EYS: variants seen among roughly 807,000 people sequenced by gnomAD.
EYS encodes EGF-like photoreceptor maintenance factor, also known as protein eyes shut homolog.
A neutral mutation model predicts 282.1 loss-of-function variants in EYS; 250 were observed. The ratio of observed to expected loss-of-function variants is 0.89; its 90% CI spans 0.80 to 0.98. The LOEUF is 0.98. Among genes scored for constraint, EYS ranks in the 50% least tolerant of loss-of-function variants. The pLI is 0.00. For synonymous variants in EYS, 1,355 were observed against 1,282.9 expected (o/e 1.06, Z -1.20); for missense variants, 4,016 against 3,709.0 (o/e 1.08, Z -2.15).
chr6:64,239,794 G>C (rs1157781495), intron 30 of EYS, among the ~76,000 whole-genome samples: 1 of 151,978 alleles, frequency 6.6e-6, no homozygotes, highest in African/African-American at 2.4e-5. Flanking sequence ...TTTTGTTGCT[G>C]TTGCTTTTGG....
At chr6:64,327,510 G>C (rs1770471872) in intron 29 of EYS, among the ~76,000 whole-genome samples, 1 of 152,098 alleles carries the variant, frequency 6.6e-6, no homozygotes, top group Non-Finnish European at 1.5e-5. Context: ...CAATAGACAG[G>C]GAAATAATGG....
intron 26 of EYS, among the ~76,000 whole-genome samples, chr6:64,512,560 A>G (rs1469694060): frequency 1.3e-5 from 2 of 152,018 alleles, no homozygotes; most frequent in East Asian, 3.9e-4. Flanking sequence ...GAGAGAAGAG[A>G]AAATCAGCCT....
chr6:64,705,741 A>G (rs1770982769), intron 22 of EYS, among the ~76,000 whole-genome samples: 1 of 148,834 alleles, frequency 6.7e-6, no homozygotes, highest in Non-Finnish European at 1.5e-5. Flanking sequence ...AAAACCAAAC[A>G]CCGCATATTC....
At chr6:64,794,047 A>G (rs1215149418) in intron 22 of EYS, among the ~76,000 whole-genome samples, 2 of 152,112 alleles carry the variant, frequency 1.3e-5, no homozygotes. Context: ...CTCTGTTTCT[A>G]CAAGTTTGAC....
chr6:65,041,656 T>C (rs1294774305), intron 13 of EYS, among the ~76,000 whole-genome samples: 1 of 151,718 alleles, frequency 6.6e-6, no homozygotes, highest in Non-Finnish European at 1.5e-5. Flanking sequence ...ACTCATCTCT[T>C]ATTTCCTGTT....
intron 15 of EYS, among the ~76,000 whole-genome samples, chr6:64,923,079 T>C (rs1173808190): frequency 6.6e-6 from 1 of 152,072 alleles, no homozygotes; most frequent in Non-Finnish European, 1.5e-5. Context: ...CCATTTGGCT[T>C]TGCTTCTGGG....
chr6:65,017,711 AC>A (rs1178887799), intron 13 of EYS, among the ~76,000 whole-genome samples: 1 of 152,246 alleles, frequency 6.6e-6, no homozygotes. Flanking sequence ...CTGAGCACAG[AC>A]AAAAACAATA....
chr6:65,403,269 G>A (rs1252916433), intron 6 of EYS, among the ~76,000 whole-genome samples: 1 of 151,924 alleles, frequency 6.6e-6, no homozygotes, highest in Non-Finnish European at 1.5e-5. Flanking sequence ...GCATCCATGG[G>A]CAGGTAAAAA....
At chr6:65,132,740 C>T (rs2208580) in intron 12 of EYS, among the ~76,000 whole-genome samples, 8 of 151,282 alleles carry the variant, frequency 5.3e-5, no homozygotes, top group East Asian at 3.9e-4. Context: ...ATAAATAAAG[C>T]GTATTCAAAT....
At chr6:64,746,404 C>A (rs751258132) in intron 22 of EYS, among the ~76,000 whole-genome samples, 4 of 151,938 alleles carry the variant, frequency 2.6e-5, no homozygotes, top group Non-Finnish European at 5.9e-5. Context: ...CAGATGCTAG[C>A]CCCTTGATAT....
intron 12 of EYS, among the ~76,000 whole-genome samples, chr6:65,075,691 T>C (rs923838949): frequency 6.6e-6 from 1 of 151,722 alleles, no homozygotes; most frequent in Non-Finnish European, 1.5e-5. Context: ...CTATGGTAAA[T>C]ATTCATATAA....
intron 8 of EYS, among the ~76,000 whole-genome samples, chr6:65,378,845 G>C (rs1235449671): frequency 6.6e-6 from 1 of 152,024 alleles, no homozygotes; most frequent in Non-Finnish European, 1.5e-5. Context: ...GAGAACACAT[G>C]GAGACAGGGA....
At chr6:64,586,604 G>T (rs897355585) in intron 26 of EYS, among the ~76,000 whole-genome samples, 24 of 151,920 alleles carry the variant, frequency 1.6e-4, no homozygotes, top group Admixed American at 1.4e-3. Context: ...GAGATAAAAT[G>T]AACACATTTA....
intron 22 of EYS, among the ~76,000 whole-genome samples, chr6:64,652,576 A>G (rs1373566224): frequency 6.6e-6 from 1 of 152,210 alleles, no homozygotes; most frequent in Non-Finnish European, 1.5e-5. Context: ...TAGCCCAGTG[A>G]GACTCTGGAC....
chr6:65,380,744 G>A (rs942418503), intron 8 of EYS, among the ~76,000 whole-genome samples: 1 of 152,028 alleles, frequency 6.6e-6, no homozygotes, highest in Non-Finnish European at 1.5e-5. Flanking sequence ...CTAATACCCA[G>A]AATCTACAAG....
At chr6:64,623,094 T>C (rs1330808202) in intron 23 of EYS, among the ~76,000 whole-genome samples, 6 of 152,238 alleles carry the variant, frequency 3.9e-5, no homozygotes, top group Non-Finnish European at 5.9e-5. Context: ...CACTGATTGA[T>C]TTTATTGGGG....
intron 28 of EYS, among the ~76,000 whole-genome samples, chr6:64,414,616 C>G (rs1041520756): frequency 6.6e-6 from 1 of 152,036 alleles, no homozygotes; most frequent in Non-Finnish European, 1.5e-5. Context: ...TAAAATTATG[C>G]AAATAATAAA....
rs9445152 is a variant in EYS, at chr6:64,686,591, T to G, written c.3444-60346A>C. On this transcript the variant is annotated intron_variant, in intron 22 of 42. Transcript: ENST00000503581. Reference sequence around the variant, plus strand: ...CCCGTCTCTACTAAAAATACAAAAATTTAGCGGGCCATGGTGGCCGGCCCC... The same window carrying G: ...CCCGTCTCTACTAAAAATACAAAAAGTTAGCGGGCCATGGTGGCCGGCCCC... Among the ~76,000 whole-genome samples the G allele has an allele frequency of 2.0e-5, 3 of 149,602 alleles. No homozygotes were observed. In the East Asian group the frequency reaches 5.9e-4, roughly 30 times the overall value.
intron 8 of EYS, among the ~76,000 whole-genome samples, chr6:65,373,573 T>C (rs1328312290): frequency 6.6e-6 from 1 of 152,070 alleles, no homozygotes; most frequent in South Asian, 2.1e-4. Flanking sequence ...TTTTTACAAG[T>C]GGATAAATAC....
Sources: gnomAD v4.1 joint callset for allele counts (sites outside exome capture counted in the v4.1 genomes callset) on GRCh38, gnomAD v4.1.1 for gene constraint, MANE v1.5 for transcripts, NCBI Gene and HGNC (gene_info 2026-07-23, HGNC 2026-07-21) for gene names.